Variants in ZPBP observed in about 807,000 individuals in gnomAD.
ZPBP encodes the protein zona pellucida binding protein.
A neutral mutation model predicts 44.8 loss-of-function variants in ZPBP; 26 were observed. The observed-to-expected ratio is 0.58, with a 90% CI of 0.43 to 0.81. ZPBP has a LOEUF of 0.81. Ranked by LOEUF, ZPBP falls within the 30% of genes least tolerant of loss-of-function variation. The pLI is 0.00. For missense variants in ZPBP, 409 were observed against 434.0 expected (o/e 0.94, Z 0.51); for synonymous variants, 174 against 153.2 (o/e 1.14, Z -1.00).
chr7:50,015,519 C>A (rs1429785279), intron 6 of ZPBP, among the ~76,000 whole-genome samples: 1 of 152,058 alleles, frequency 6.6e-6, no homozygotes, highest in Non-Finnish European at 1.5e-5. Flanking sequence ...ATGATGAAGT[C>A]TCCAAATGCA....
At chr7:49,951,418 A>G (rs929168957) in intron 7 of ZPBP, among the ~76,000 whole-genome samples, 1 of 151,818 alleles carries the variant, frequency 6.6e-6, no homozygotes, top group Non-Finnish European at 1.5e-5. Context: ...CATTTCTCCA[A>G]AAAAGATACA....
At chr7:49,906,424 C>T (rs1343610289) in intron 1 of ZPBP, among the ~76,000 whole-genome samples, 2 of 152,130 alleles carry the variant, frequency 1.3e-5, no homozygotes, top group Admixed American at 6.5e-5. Flanking sequence ...CAAGCTCTGC[C>T]TCCTGGGTTC....
intron 1 of ZPBP, chr7:49,913,511 T>C (rs1793565577): frequency 6.6e-6 from 1 of 152,204 alleles, no homozygotes; most frequent in Non-Finnish European, 1.5e-5. Flanking sequence ...GATTAAAATA[T>C]ATATAATCAT....
intron 6 of ZPBP, among the ~76,000 whole-genome samples, chr7:50,002,861 C>T (rs1280339297): frequency 6.6e-6 from 1 of 151,984 alleles, no homozygotes; most frequent in African/African-American, 2.4e-5. Context: ...ATCAAAATTC[C>T]CAGCACCCAA....
chr7:49,911,940 C>CACACACACACACACACACACACACACAA, intron 1 of ZPBP: 1 of 989,446 alleles, frequency 1.0e-6, no homozygotes, highest in Non-Finnish European at 1.4e-6. Flanking sequence ...CACACACACA[C>CACACACACACACACACACACACACACAA]ACACACATAT....
At chr7:50,046,461 AT>A (rs201574082) in intron 4 of ZPBP, among the ~76,000 whole-genome samples, 36 of 151,636 alleles carry the variant, frequency 2.4e-4, no homozygotes, top group Middle Eastern at 3.4e-3. Context: ...GAAAAAAAAA[AT>A]GGCCATCAAA....
chr7:49,842,891 GT>G, the ZPBP span, among the ~76,000 whole-genome samples: 1 of 151,946 alleles, frequency 6.6e-6, no homozygotes, highest in African/African-American at 2.4e-5. Context: ...TCCCGTTTCT[GT>G]TTTTTTTCCA....
At chr7:50,092,187 C>A (rs1803028230) in intron 1 of ZPBP, among the ~76,000 whole-genome samples, 1 of 152,176 alleles carries the variant, frequency 6.6e-6, no homozygotes, top group Admixed American at 6.5e-5. Flanking sequence ...TAATACACGA[C>A]CACGACCCAT....
chr7:49,875,771 A>G (rs1428745965), intron 2 of ZPBP, among the ~76,000 whole-genome samples: 1 of 152,152 alleles, frequency 6.6e-6, no homozygotes, highest in African/African-American at 2.4e-5. Flanking sequence ...AAACAATGCC[A>G]TAGTAGTGCA....
At chr7:50,038,649 C>T (rs1467350527) in intron 4 of ZPBP, among the ~76,000 whole-genome samples, 1 of 152,200 alleles carries the variant, frequency 6.6e-6, no homozygotes, top group Non-Finnish European at 1.5e-5. Flanking sequence ...AACTTCACCC[C>T]AGAGTTGCTA....
intron 7 of ZPBP, among the ~76,000 whole-genome samples, chr7:49,950,059 T>A (rs1463820774): frequency 6.6e-6 from 1 of 151,972 alleles, no homozygotes; most frequent in Non-Finnish European, 1.5e-5. Context: ...AAATATTCAT[T>A]ATGGCACTGT....
intron 1 of ZPBP, among the ~76,000 whole-genome samples, chr7:49,922,180 T>A (rs1016262701): frequency 6.6e-6 from 1 of 152,190 alleles, no homozygotes; most frequent in Non-Finnish European, 1.5e-5. Context: ...TGAAGTAGCA[T>A]CTATAATATA....
intron 1 of ZPBP, among the ~76,000 whole-genome samples, chr7:50,092,446 CTG>C (rs1204782782): frequency 3.9e-5 from 6 of 152,276 alleles, no homozygotes; most frequent in East Asian, 3.9e-4. Context: ...AAGCAAATCT[CTG>C]TGATTTTATC....
At chr7:49,904,610 A>C (rs1423614111) in intron 1 of ZPBP, among the ~76,000 whole-genome samples, 1 of 152,216 alleles carries the variant, frequency 6.6e-6, no homozygotes, top group Non-Finnish European at 1.5e-5. Flanking sequence ...ATTTTAGTTA[A>C]ATTTTTATAA....
intron 2 of ZPBP, among the ~76,000 whole-genome samples, chr7:50,083,712 A>AT: frequency 6.6e-6 from 1 of 152,066 alleles, no homozygotes; most frequent in South Asian, 2.1e-4. Flanking sequence ...TGTGGTAGAC[A>AT]AGGTACCTAA....
intron 1 of ZPBP, among the ~76,000 whole-genome samples, chr7:49,930,093 G>C (rs1794396121): frequency 6.6e-6 from 1 of 152,130 alleles, no homozygotes. Context: ...CTTTCTGAAT[G>C]GAAGGCCAAT....
At chr7:49,897,386 T>A (rs1418214297) in intron 2 of ZPBP, among the ~76,000 whole-genome samples, 1 of 152,142 alleles carries the variant, frequency 6.6e-6, no homozygotes, top group Non-Finnish European at 1.5e-5. Context: ...GCCACAAAAT[T>A]TCTTTTAAAA....
intron 2 of ZPBP, among the ~76,000 whole-genome samples, chr7:49,896,347 A>G (rs1281438375): frequency 6.6e-6 from 1 of 152,236 alleles, no homozygotes; most frequent in African/African-American, 2.4e-5. Context: ...CTTCAAAAAA[A>G]GGAAAGTATA....
intron 2 of ZPBP, among the ~76,000 whole-genome samples, chr7:50,082,649 T>G (rs1802425350): frequency 6.6e-6 from 1 of 151,838 alleles, no homozygotes; most frequent in Non-Finnish European, 1.5e-5. Flanking sequence ...TCTCTTTGAC[T>G]TTTAAGAGAC....
Sources: gnomAD v4.1 joint callset for allele counts (sites outside exome capture counted in the v4.1 genomes callset) on GRCh38, gnomAD v4.1.1 for gene constraint, MANE v1.5 for transcripts, NCBI Gene and HGNC (gene_info 2026-07-23, HGNC 2026-07-21) for gene names.